Variants in DEPDC4 observed in about 807,000 individuals in gnomAD.
The protein encoded by DEPDC4 is DEP domain containing 4, also known as DEP domain-containing protein 4.
In DEPDC4, 52 loss-of-function variants were observed where a neutral mutation model predicts 52.0. That is an observed-to-expected ratio of 1.00 (90% CI 0.80 to 1.26). The LOEUF is 1.26. Ranked by LOEUF, DEPDC4 falls within the 50% of genes most tolerant of loss-of-function variation. DEPDC4 has a pLI of 0.00. For missense variants in DEPDC4, 530 were observed against 546.9 expected (o/e 0.97, Z 0.31); for synonymous variants, 201 against 196.8 (o/e 1.02, Z -0.18).
chr12:100,240,224 A>G lies in DEPDC4; in HGVS notation c.*1668T>C, dbSNP rs1276785234. On this transcript the variant is annotated 3_prime_UTR_variant, in exon 10 of 10. Coordinates refer to ENST00000550587, the MANE Select transcript of DEPDC4 (RefSeq NM_001364818.2). ...GGCTGCAGTACAGTGGTGCAATCATAGCTCACTGCAGCCTAAAACTCCTGG... is the reference window on the plus strand; with the variant it reads ...GGCTGCAGTACAGTGGTGCAATCATGGCTCACTGCAGCCTAAAACTCCTGG... 6.6e-6 allele frequency among the ~76,000 whole-genome samples: 1 copy of G among 152,026 alleles called. No individual in the cohort carries two copies. Among genetic ancestry groups the G allele is most frequent in the African/African-American group, 2.4e-5 (1 of 41,382 alleles).
the DEPDC4 span, among the ~76,000 whole-genome samples, chr12:100,275,452 T>C: frequency 6.6e-6 from 1 of 152,176 alleles, no homozygotes; most frequent in Non-Finnish European, 1.5e-5. Flanking sequence ...CACTTCAGCC[T>C]CCCAAGGTGC....
In DEPDC4 at chr12:100,240,542, T is replaced by C. The variant is rs550828694; in HGVS notation, c.*1350A>G. 5.7e-4 allele frequency among the ~76,000 whole-genome samples: 87 copies of C among 151,712 alleles called. 1 individual carries two copies. The highest frequency in any genetic ancestry group is 2.0e-3 in the African/African-American group (83 of 41,296). On this transcript the variant is annotated 3_prime_UTR_variant, in exon 10 of 10. Coordinates refer to ENST00000550587, the MANE Select transcript of DEPDC4 (RefSeq NM_001364818.2). Reference sequence around the variant, plus strand: ...TCTGCTACATTAGGGAATGATGCCATAGAGTGAACTAACCAATTTAAAACA... The same window carrying C: ...TCTGCTACATTAGGGAATGATGCCACAGAGTGAACTAACCAATTTAAAACA...
At chr12:100,264,807 A>G (rs2096265884) in intron 1 of DEPDC4, among the ~76,000 whole-genome samples, 1 of 152,206 alleles carries the variant, frequency 6.6e-6, no homozygotes, top group African/African-American at 2.4e-5. Context: ...ATTGGGCTCT[A>G]GAAAGTGCTT....
intron 5 of DEPDC4, 142 bp from the exon 6 acceptor site, chr12:100,252,678 GA>G: frequency 2.8e-6 from 2 of 724,114 alleles, no homozygotes; most frequent in Non-Finnish European, 4.2e-6. Context: ...TTTTATTATG[GA>G]ATATTTCAAA....
intron 3 of DEPDC4, among the ~76,000 whole-genome samples, chr12:100,256,787 G>A (rs1010619649): frequency 1.3e-5 from 2 of 150,558 alleles, no homozygotes; most frequent in Non-Finnish European, 1.5e-5. Flanking sequence ...GACTACAGGC[G>A]CCCACCACCA....
At chr12:100,267,351 C>CG (rs1566334725), upstream of DEPDC4, 1 of 333,280 alleles carries the variant, frequency 3.0e-6, no homozygotes, top group Non-Finnish European at 5.5e-6. Flanking sequence ...ATTAGGGGGG[C>CG]GGGGGGAAAG....
At chr12:100,258,457 T>C (rs140686101) in intron 3 of DEPDC4, among the ~76,000 whole-genome samples, 3 of 152,162 alleles carry the variant, frequency 2.0e-5, no homozygotes, top group East Asian at 1.9e-4. Flanking sequence ...AACTTCTAGA[T>C]TGCAACAGCC....
chr12:100,260,122 A>G (rs1451401490), intron 3 of DEPDC4, among the ~76,000 whole-genome samples: 5 of 151,400 alleles, frequency 3.3e-5, no homozygotes, highest in African/African-American at 1.2e-4. Flanking sequence ...TATTACCTAT[A>G]GAATTTTTTT....
chr12:100,266,286 TCC>T (rs1485765231), intron 1 of DEPDC4, among the ~76,000 whole-genome samples: 1 of 152,106 alleles, frequency 6.6e-6, no homozygotes, highest in African/African-American at 2.4e-5. Flanking sequence ...ACCCTCAAAT[TCC>T]TTCTGTAACA....
At chr12:100,274,182 T>C in the DEPDC4 span, among the ~76,000 whole-genome samples, 1 of 152,226 alleles carries the variant, frequency 6.6e-6, no homozygotes. Flanking sequence ...AAGTATAATT[T>C]CGTTAATAGA....
chr12:100,263,402 C>T, intron 2 of DEPDC4, 95 bp downstream of exon 2: 6 of 1,057,786 alleles, frequency 5.7e-6, no homozygotes, highest in African/African-American at 1.6e-5. Flanking sequence ...TTTTAATTGG[C>T]TTCTGAAAAA....
At chr12:100,274,856 C>T in the DEPDC4 span, among the ~76,000 whole-genome samples, 1 of 152,212 alleles carries the variant, frequency 6.6e-6, no homozygotes, top group Non-Finnish European at 1.5e-5. Context: ...GCCATAGACC[C>T]TTTTGACAAT....
At chr12:100,267,818 G>A (rs561657198), upstream of DEPDC4, 3 of 152,550 alleles carry the variant, frequency 2.0e-5, no homozygotes, top group East Asian at 5.8e-4. Context: ...TCAGTTCTGA[G>A]GTCCGGAATC....
intron 8 of DEPDC4, among the ~76,000 whole-genome samples, chr12:100,245,726 T>C (rs1466967570): frequency 6.6e-6 from 1 of 152,180 alleles, no homozygotes; most frequent in South Asian, 2.1e-4. Flanking sequence ...CCAACCAGGA[T>C]TGCTTCCAGT....
intron 4 of DEPDC4, among the ~76,000 whole-genome samples, chr12:100,254,319 CT>C (rs67921438): frequency 0.072 from 6,400 of 89,250 alleles, 84 homozygotes; most frequent in African/African-American, 0.13. Context: ...TTTTTTTTGA[CT>C]TTTTTTTTTT....
At chr12:100,261,687 T>G (rs1438148211) in intron 3 of DEPDC4, 1 of 456,674 alleles carries the variant, frequency 2.2e-6, no homozygotes, top group Admixed American at 2.3e-5. Context: ...TCACAGTCAT[T>G]GTAAAAAATG....
the DEPDC4 span, among the ~76,000 whole-genome samples, chr12:100,281,019 G>GTTTTGTTTTTTT: frequency 1.5e-3 from 78 of 50,486 alleles, 4 homozygotes; most frequent in African/African-American, 5.2e-3. Context: ...TACCATCAGT[G>GTTTTGTTTTTTT]TTTTTTTTTT....
chr12:100,244,518 C>G (rs1056791622), intron 8 of DEPDC4, among the ~76,000 whole-genome samples: 1 of 151,584 alleles, frequency 6.6e-6, no homozygotes, highest in Non-Finnish European at 1.5e-5. Context: ...TCTGTCACCC[C>G]AGCTGTAGTG....
intron 3 of DEPDC4, among the ~76,000 whole-genome samples, chr12:100,256,883 C>T (rs1270634204): frequency 6.6e-5 from 10 of 151,794 alleles, no homozygotes; most frequent in Admixed American, 3.3e-4. Context: ...CCTAGTGATC[C>T]GCCCGCCTCG....
Sources: gnomAD v4.1 joint callset for allele counts (sites outside exome capture counted in the v4.1 genomes callset) on GRCh38, gnomAD v4.1.1 for gene constraint, MANE v1.5 for transcripts, NCBI Gene and HGNC (gene_info 2026-07-23, HGNC 2026-07-21) for gene names.